LMX1B: variants seen among roughly 807,000 people sequenced by gnomAD.
The protein encoded by LMX1B is LIM homeobox transcription factor 1 beta.
Under a neutral mutation model 51.4 loss-of-function variants are expected in LMX1B, and 12 were observed. The observed-to-expected ratio is 0.23, with a 90% CI of 0.15 to 0.38. The LOEUF (loss-of-function observed/expected upper bound fraction) is 0.38. LMX1B is among the 10% of genes least tolerant of loss of function. LMX1B has a pLI of 1.00. For missense variants in LMX1B, 445 were observed against 571.1 expected (o/e 0.78, Z 2.25); for synonymous variants, 237 against 235.4 (o/e 1.01, Z -0.06).
chr9:126,625,613 C>T lies in LMX1B; in HGVS notation c.326+10044C>T, dbSNP rs998625197. Among the ~76,000 whole-genome samples, 7 of 152,236 alleles carry T rather than the reference C, an allele frequency of 4.6e-5. No homozygotes were observed. Among genetic ancestry groups the T allele is most frequent in the Non-Finnish European group, 1.0e-4 (7 of 68,046 alleles). The stretch of plus-strand genomic sequence containing the variant: ...AGGGTTGGCCATTCCCGGCTGCATG[C>T]TCGGCCCCTTTCTTCCGAGGGTGAA... On this transcript the variant is annotated intron_variant, in intron 2 of 7. Coordinates refer to ENST00000373474, the MANE Select transcript of LMX1B (RefSeq NM_001174147.2). This position sits in a 1 kb window ranked among gnomAD's most constrained non-coding sequence, Gnocchi z 5.3.
chr9:126,617,724 AT>A (rs1387818995), intron 2 of LMX1B, among the ~76,000 whole-genome samples: 1 of 152,010 alleles, frequency 6.6e-6, no homozygotes, highest in East Asian at 1.9e-4. Context: ...GTTGAGAATG[AT>A]TTTTGGCACA....
In LMX1B at chr9:126,699,119, A is replaced by C. The variant is rs1417073592; in HGVS notation, c.*2668A>C. ...TTCAGGGGCAGATGCCCTATCCCCC[A>C]GGAGACCTGGCCCTTCTCTCTCAGA... On this transcript the variant is annotated 3_prime_UTR_variant, in exon 8 of 8. Coordinates refer to ENST00000373474, the MANE Select transcript of LMX1B (RefSeq NM_001174147.2). 1 of 152,214 alleles carries C rather than the reference A, an allele frequency of 6.6e-6. No homozygotes were observed. 9.4% of individuals were successfully genotyped at this position (152,214 alleles called of 1,614,324 possible).
chr9:126,650,494 G>A (rs1398758183), intron 2 of LMX1B, among the ~76,000 whole-genome samples: 2 of 152,230 alleles, frequency 1.3e-5, no homozygotes, highest in East Asian at 1.9e-4. Context: ...CCCCATGGGC[G>A]GTGGAGGCGC....
chr9:126,620,644 C>G (rs180746554), intron 2 of LMX1B, among the ~76,000 whole-genome samples: 102 of 151,328 alleles, frequency 6.7e-4, no homozygotes, highest in Middle Eastern at 3.4e-3. Flanking sequence ...TGGGGGCAGA[C>G]GGAGGGTGGC....
chr9:126,621,831 G>T (rs1198666087), intron 2 of LMX1B, among the ~76,000 whole-genome samples: 1 of 152,150 alleles, frequency 6.6e-6, no homozygotes, highest in Non-Finnish European at 1.5e-5. Flanking sequence ...TGAAGGGCTT[G>T]TGTTTGCTTT....
At chr9:126,652,219 G>A (rs917035848) in intron 2 of LMX1B, among the ~76,000 whole-genome samples, 2 of 151,684 alleles carry the variant, frequency 1.3e-5, no homozygotes, top group Admixed American at 1.3e-4. Flanking sequence ...AGGCATGATT[G>A]AGAGGGGGCG....
At chr9:126,659,591 T>A (rs1288872241) in intron 2 of LMX1B, among the ~76,000 whole-genome samples, 1 of 152,252 alleles carries the variant, frequency 6.6e-6, no homozygotes, top group Non-Finnish European at 1.5e-5. Context: ...GAGATTGTCC[T>A]GTATGTGTGT....
Position 126,693,216 on chromosome 9 carries a change from G to A in LMX1B, c.634G>A (p.Asp212Asn), listed in dbSNP as rs1770178027. The change falls in exon 4 of 8, where the codon GAC becomes AAC. Residue 212 changes from aspartate to asparagine, a missense_variant. This residue lies in a region of LMX1B where 273 missense variants were observed against 343.3 expected (regional missense o/e 0.80). Transcript: ENST00000373474. ...CAGTCAGAGCAAGGGCAGCGGGGAT[G>A]ACGGGAAGGACCCGCGGAGGCCCAA... is the stretch of plus-strand genomic sequence containing the variant. ...QGSQSKGSGD[D>N]GKDPRRPKRP... is the part of the protein sequence containing the mutation. 2 of 1,609,790 alleles carry A rather than the reference G, an allele frequency of 1.2e-6. No homozygotes were observed. The highest frequency in any genetic ancestry group is 1.7e-6 in the Non-Finnish European group (2 of 1,178,512).
chr9:126,666,176 T>G (rs1472462084), intron 2 of LMX1B, among the ~76,000 whole-genome samples: 1 of 152,218 alleles, frequency 6.6e-6, no homozygotes, highest in Non-Finnish European at 1.5e-5. Flanking sequence ...GCAGCTCTGG[T>G]GCTCTGCTCA....
chr9:126,676,544 T>G (rs1264071352), intron 2 of LMX1B, among the ~76,000 whole-genome samples: 1 of 152,194 alleles, frequency 6.6e-6, no homozygotes, highest in African/African-American at 2.4e-5. Flanking sequence ...GAGAAGCATT[T>G]TGCCAGACTC....
rs1835539600 is a variant in LMX1B at position 126,626,706 on chromosome 9, G to C, written c.326+11137G>C. On this transcript the variant is annotated intron_variant, in intron 2 of 7. Coordinates refer to ENST00000373474, the MANE Select transcript of LMX1B (RefSeq NM_001174147.2). This position sits in a 1 kb window ranked among gnomAD's most constrained non-coding sequence, Gnocchi z 4.3. The stretch of plus-strand genomic sequence containing the variant: ...TGGAAAGGGGTGGGTGGGGGGCGTC[G>C]AGCGAGCGAGGGAAGGAGCAAGGAG... 6.6e-6 allele frequency among the ~76,000 whole-genome samples: 1 copy of C among 152,168 alleles called. No homozygotes were observed. Among genetic ancestry groups the C allele is most frequent in the Non-Finnish European group, 1.5e-5 (1 of 68,024 alleles).
chr9:126,678,821 G>A (rs1160553261), intron 2 of LMX1B, among the ~76,000 whole-genome samples: 1 of 152,030 alleles, frequency 6.6e-6, no homozygotes, highest in Non-Finnish European at 1.5e-5. Context: ...GGGAAATAAT[G>A]GGGAAAGTAG....
chr9:126,686,293 A>AAG (rs995397771), intron 2 of LMX1B, among the ~76,000 whole-genome samples: 11 of 151,944 alleles, frequency 7.2e-5, no homozygotes, highest in African/African-American at 2.4e-4. Context: ...AAAAAAAAAA[A>AAG]AAAGAAATTA....
intron 2 of LMX1B, among the ~76,000 whole-genome samples, chr9:126,664,070 T>C (rs566360963): frequency 1.3e-5 from 2 of 152,320 alleles, no homozygotes; most frequent in African/African-American, 4.8e-5. Context: ...GCCAGGCTCT[T>C]GTCTCCCAAC....
intron 2 of LMX1B, among the ~76,000 whole-genome samples, chr9:126,616,735 T>C (rs1835309537): frequency 1.3e-5 from 2 of 152,184 alleles, no homozygotes; most frequent in African/African-American, 4.8e-5. Flanking sequence ...GCCCAGGGAT[T>C]GTCCCCAGTC....
intron 2 of LMX1B, among the ~76,000 whole-genome samples, chr9:126,675,544 G>C (rs1430444356): frequency 2.0e-5 from 3 of 151,266 alleles, no homozygotes; most frequent in Non-Finnish European, 4.4e-5. Flanking sequence ...GGCCAACATG[G>C]TGAAACCCCG....
chr9:126,650,613 C>A (rs1332469965), intron 2 of LMX1B, among the ~76,000 whole-genome samples: 1 of 152,354 alleles, frequency 6.6e-6, no homozygotes, highest in Non-Finnish European at 1.5e-5. Context: ...AAGCCCCAGG[C>A]AGGCCTGGTG....
intron 2 of LMX1B, among the ~76,000 whole-genome samples, chr9:126,646,874 G>T (rs1360627301): frequency 1.3e-5 from 2 of 151,750 alleles, no homozygotes; most frequent in African/African-American, 4.8e-5. Flanking sequence ...CTAACACTGA[G>T]GTCACAGTCT....
rs998274595 is a variant in LMX1B at position 126,677,719 on chromosome 9, T to C, written c.327-13117T>C. On this transcript the variant is annotated intron_variant, in intron 2 of 7. Transcript: ENST00000373474. The surrounding 1 kb of genome is among the most constrained non-coding windows in gnomAD (Gnocchi z 5.0). ...TGGTTCCCGTGAGTGTAACGTCTAGTAGGAGCGTCTGCCAGCTTCATTCAC... is the reference window on the plus strand; with the variant it reads ...TGGTTCCCGTGAGTGTAACGTCTAGCAGGAGCGTCTGCCAGCTTCATTCAC... Among the ~76,000 whole-genome samples, 5 of 152,094 alleles carry C rather than the reference T, an allele frequency of 3.3e-5. No individual in the cohort carries two copies. Among genetic ancestry groups the C allele is most frequent in the African/African-American group, 7.2e-5 (3 of 41,402 alleles).
Sources: gnomAD v4.1 joint callset for allele counts (sites outside exome capture counted in the v4.1 genomes callset) on GRCh38, gnomAD v4.1.1 for gene constraint, gnomAD v4.1.1 regional missense constraint, Gnocchi (gnomAD v3.1) non-coding constraint, MANE v1.5 for transcripts, NCBI Gene and HGNC (gene_info 2026-07-23, HGNC 2026-07-21) for gene names.